ZFAND3: variants seen among roughly 807,000 people sequenced by gnomAD.
ZFAND3 encodes the protein AN1-type zinc finger protein 3.
ZFAND3 carries 10 observed loss-of-function variants against 29.6 expected under a neutral mutation model. The ratio of observed to expected loss-of-function variants is 0.34; its 90% confidence interval spans 0.21 to 0.57. The LOEUF (loss-of-function observed/expected upper bound fraction) is 0.57, where lower values mean the gene tolerates loss of function less well. ZFAND3 is among the 20% of genes least tolerant of loss of function. The pLI is 0.86. For synonymous variants in ZFAND3, 128 were observed against 112.6 expected (o/e 1.14, Z -0.87); for missense variants, 230 against 304.5 (o/e 0.76, Z 1.82).
chr6:37,957,010 G>A (rs954617225), intron 2 of ZFAND3, among the ~76,000 whole-genome samples: 1 of 152,014 alleles, frequency 6.6e-6, no homozygotes, highest in African/African-American at 2.4e-5. Flanking sequence ...TAGGGATATT[G>A]TGAAAAAAAA....
At chr6:37,976,529 A>G (rs1485241749) in intron 2 of ZFAND3, among the ~76,000 whole-genome samples, 3 of 145,452 alleles carry the variant, frequency 2.1e-5, no homozygotes, top group Admixed American at 7.2e-5. Context: ...GGTTGCAGTG[A>G]GCCGAGATTG....
At chr6:37,889,421 C>G (rs934699978) in intron 1 of ZFAND3, among the ~76,000 whole-genome samples, 4 of 152,284 alleles carry the variant, frequency 2.6e-5, no homozygotes, top group African/African-American at 4.8e-5. Context: ...TTTGATTTCT[C>G]CCCTGGCACT....
intron 2 of ZFAND3, among the ~76,000 whole-genome samples, chr6:37,967,410 C>T (rs1284395068): frequency 6.6e-6 from 1 of 152,160 alleles, no homozygotes; most frequent in East Asian, 1.9e-4. Flanking sequence ...CTTGTACTTT[C>T]TGCATCCCAG....
At chr6:38,130,537 G>A (rs1355063320) in intron 5 of ZFAND3, among the ~76,000 whole-genome samples, 1 of 152,154 alleles carries the variant, frequency 6.6e-6, no homozygotes, top group Admixed American at 6.5e-5. Flanking sequence ...GCTGGATTTT[G>A]TTGAATGCTT....
intron 2 of ZFAND3, among the ~76,000 whole-genome samples, chr6:37,958,619 A>T (rs1214345383): frequency 6.6e-6 from 1 of 152,166 alleles, no homozygotes; most frequent in Non-Finnish European, 1.5e-5. Flanking sequence ...ACTTATACTT[A>T]GGGAAAAAAT....
chr6:37,973,994 T>C (rs1321437166), intron 2 of ZFAND3, among the ~76,000 whole-genome samples: 1 of 152,198 alleles, frequency 6.6e-6, no homozygotes, highest in African/African-American at 2.4e-5. Flanking sequence ...AATAAAGTTT[T>C]CCTGTACTCA....
intron 1 of ZFAND3, among the ~76,000 whole-genome samples, chr6:37,885,599 G>A (rs868743124): frequency 2.0e-5 from 3 of 152,146 alleles, no homozygotes; most frequent in Non-Finnish European, 2.9e-5. Flanking sequence ...AGCTGAGATC[G>A]TGCCACTGCA....
At chr6:38,072,898 A>G (rs73419949) in intron 3 of ZFAND3, among the ~76,000 whole-genome samples, 10,396 of 152,304 alleles carry the variant, frequency 0.068, 423 homozygotes, top group Non-Finnish European at 0.087. Flanking sequence ...TTAGTGAGGA[A>G]TTTTTAAAAT....
chr6:38,145,457 G>C (rs192785051), intron 5 of ZFAND3, among the ~76,000 whole-genome samples: 116 of 152,334 alleles, frequency 7.6e-4, no homozygotes, highest in African/African-American at 2.6e-3. Flanking sequence ...CATTTGTGCA[G>C]ATTGTTCTCA....
At chr6:38,096,768 CTT>C (rs1764988958) in intron 4 of ZFAND3, among the ~76,000 whole-genome samples, 1 of 151,986 alleles carries the variant, frequency 6.6e-6, no homozygotes, top group Non-Finnish European at 1.5e-5. Flanking sequence ...ATTCTGTTGA[CTT>C]TGTCTTCTGA....
chr6:38,152,782 A>G lies in ZFAND3; in HGVS notation c.*393A>G, dbSNP rs567321353. ...TGGTGTTAAAGTTCCCACGACGCAC[A>G]TGGCTTTGCCAGAAACTCTGTTTAA... On this transcript the variant is annotated 3_prime_UTR_variant, in exon 6 of 6. Coordinates refer to ENST00000287218, the MANE Select transcript of ZFAND3 (RefSeq NM_021943.3). 2.1e-5 allele frequency: 21 copies of G among 991,312 alleles called. No homozygotes were observed. In the South Asian group the frequency reaches 2.3e-4, roughly 11 times the overall value. The allele number at this position is 991,312 out of a possible 1,614,324, so 61.4% of individuals were successfully genotyped here. A position where few individuals can be genotyped will look rare whatever the true frequency, so the allele number is the denominator to read the frequency against.
chr6:37,830,587 G>A (rs146001218), intron 1 of ZFAND3, among the ~76,000 whole-genome samples: 2 of 152,278 alleles, frequency 1.3e-5, no homozygotes, highest in African/African-American at 4.8e-5. Context: ...AAACCCACGG[G>A]CTCTTCTGCT....
At chr6:37,891,227 T>C (rs1765092457) in intron 1 of ZFAND3, among the ~76,000 whole-genome samples, 1 of 152,204 alleles carries the variant, frequency 6.6e-6, no homozygotes, top group Non-Finnish European at 1.5e-5. Context: ...ATCTGTGTTG[T>C]AGCCTGCATC....
At chr6:37,838,904 G>A (rs1764018587) in intron 1 of ZFAND3, among the ~76,000 whole-genome samples, 1 of 152,186 alleles carries the variant, frequency 6.6e-6, no homozygotes, top group Non-Finnish European at 1.5e-5. Context: ...CTGTTTTCCA[G>A]AGCAACTACA....
intron 1 of ZFAND3, among the ~76,000 whole-genome samples, chr6:37,858,741 C>A (rs1042296302): frequency 6.6e-6 from 1 of 152,110 alleles, no homozygotes; most frequent in Admixed American, 6.6e-5. Context: ...TGAAGAAAAT[C>A]TATAAAAGGT....
intron 2 of ZFAND3, among the ~76,000 whole-genome samples, chr6:38,012,951 G>T (rs781768700): frequency 3.9e-4 from 59 of 152,084 alleles, no homozygotes; most frequent in Non-Finnish European, 6.6e-4. Flanking sequence ...ACTTCAGTAA[G>T]GAGTTACCTT....
intron 1 of ZFAND3, among the ~76,000 whole-genome samples, chr6:37,831,584 A>G (rs1207563593): frequency 6.6e-6 from 1 of 152,202 alleles, no homozygotes; most frequent in African/African-American, 2.4e-5. Context: ...TGAGAACTCT[A>G]ATGGGCAGCT....
chr6:37,833,590 C>T (rs113697233), intron 1 of ZFAND3, among the ~76,000 whole-genome samples: 2,206 of 151,984 alleles, frequency 0.015, 49 homozygotes, highest in African/African-American at 0.05. Flanking sequence ...TTTGGGAGGC[C>T]GAGGCAGGCA....
intron 2 of ZFAND3, among the ~76,000 whole-genome samples, chr6:37,983,015 A>G (rs1232353768): frequency 6.6e-6 from 1 of 152,244 alleles, no homozygotes; most frequent in Non-Finnish European, 1.5e-5. Context: ...TAAAATAGAC[A>G]AAAGCATATA....
Sources: allele counts gnomAD v4.1 joint callset (sites outside exome capture counted in the v4.1 genomes callset), GRCh38; gene constraint gnomAD v4.1.1; transcripts MANE v1.5; gene names NCBI Gene and HGNC (gene_info 2026-07-23, HGNC 2026-07-21).